The following PTGR3 variants were observed in gnomAD, a reference collection of about 807,000 sequenced individuals.
The protein encoded by PTGR3 is zinc binding alcohol dehydrogenase domain containing 2.
chr18:75,201,694 C>T, the PTGR3 span: 1 of 1,614,180 alleles, frequency 6.2e-7, no homozygotes, highest in Non-Finnish European at 8.5e-7. Flanking sequence ...AATGTTCCTG[C>T]TTTCACAGGC....
the PTGR3 span, chr18:75,201,592 G>A: frequency 1.4e-5 from 22 of 1,614,062 alleles, no homozygotes; most frequent in Non-Finnish European, 1.9e-5. Flanking sequence ...CACATCTCGA[G>A]CAAGTGGCTC....
At chr18:75,208,542 T>G in the PTGR3 span, 1 of 1,073,162 alleles carries the variant, frequency 9.3e-7, no homozygotes, top group Non-Finnish European at 1.1e-6. Context: ...CCCGTCGGTT[T>G]TATTTCGGGA....
chr18:75,201,795 A>G, the PTGR3 span: 3 of 1,614,208 alleles, frequency 1.9e-6, no homozygotes, highest in Middle Eastern at 1.6e-4. Flanking sequence ...CAAGTCAAAC[A>G]TGGCTCCCCC....
the PTGR3 span, chr18:75,197,800 T>C: frequency 2.6e-5 from 4 of 152,148 alleles, no homozygotes; most frequent in Admixed American, 2.0e-4. Context: ...CAGAAGAAAA[T>C]TATGAATTCA....
At chr18:75,205,747 GA>G in the PTGR3 span, among the ~76,000 whole-genome samples, 1 of 110,766 alleles carries the variant, frequency 9.0e-6, no homozygotes, top group African/African-American at 3.3e-5. Context: ...AGAAAGAAAA[GA>G]AAAAGAAAGA....
the PTGR3 span, chr18:75,199,205 C>T: frequency 5.2e-5 from 8 of 152,540 alleles, no homozygotes; most frequent in Non-Finnish European, 1.2e-4. Flanking sequence ...TCCCTCAAAA[C>T]ACAATAAATT....
the PTGR3 span, chr18:75,208,419 C>T: frequency 1.0e-6 from 1 of 991,098 alleles, no homozygotes; most frequent in Non-Finnish European, 1.2e-6. Context: ...AGCACGTTTA[C>T]CTAAACGTCG....
the PTGR3 span, chr18:75,205,479 A>T: frequency 2.1e-5 from 21 of 985,542 alleles, no homozygotes; most frequent in Non-Finnish European, 2.5e-5. Flanking sequence ...ACCCCAGGAA[A>T]AAAGAATAGG....
the PTGR3 span, chr18:75,202,263 A>G: frequency 6.2e-7 from 1 of 1,614,020 alleles, no homozygotes. Flanking sequence ...TTCGAAACCT[A>G]TGTCAAAGGG....
chr18:75,205,214 TCG>T, the PTGR3 span: 2 of 985,526 alleles, frequency 2.0e-6, no homozygotes, highest in Non-Finnish European at 2.4e-6. Context: ...GGTCCGCAGC[TCG>T]CGCCTTCCGC....
chr18:75,201,656 G>GA, the PTGR3 span: 1 of 1,614,216 alleles, frequency 6.2e-7, no homozygotes, highest in Admixed American at 1.7e-5. Context: ...CCTGTACGCT[G>GA]GCAGATTTCT....
chr18:75,201,551 G>C, the PTGR3 span: 8 of 1,614,114 alleles, frequency 5.0e-6, no homozygotes, highest in Non-Finnish European at 6.8e-6. Context: ...GATCTCCAAG[G>C]TCCACCTCAC....
chr18:75,199,453 A>G, the PTGR3 span: 21 of 152,244 alleles, frequency 1.4e-4, no homozygotes, highest in Admixed American at 1.4e-3. Context: ...GTTAAATTTA[A>G]TAATATTCTT....
the PTGR3 span, chr18:75,208,735 C>G: frequency 9.3e-7 from 1 of 1,071,414 alleles, no homozygotes; most frequent in Non-Finnish European, 1.2e-6. Context: ...GCTGTGCGCC[C>G]GAGCGCGCGC....
At chr18:75,209,052 G>C in the PTGR3 span, 1 of 1,549,006 alleles carries the variant, frequency 6.5e-7, no homozygotes, top group Non-Finnish European at 8.7e-7. The surrounding 1 kb of genome is among the most constrained non-coding windows in gnomAD (Gnocchi z 4.7). Context: ...GGCACCAGCC[G>C]CAGCATGGCC....
At chr18:75,208,723 A>T in the PTGR3 span, 1 of 986,142 alleles carries the variant, frequency 1.0e-6, no homozygotes, top group Non-Finnish European at 1.3e-6. Flanking sequence ...TCGCAAACTC[A>T]GGCTGTGCGC....
At chr18:75,205,780 A>G in the PTGR3 span, among the ~76,000 whole-genome samples, 3 of 147,092 alleles carry the variant, frequency 2.0e-5, no homozygotes, top group Non-Finnish European at 4.5e-5. Flanking sequence ...AAGGAAAGAC[A>G]AGAAAGAAAG....
At chr18:75,202,420 A>G in the PTGR3 span, 1 of 1,382,862 alleles carries the variant, frequency 7.2e-7, no homozygotes, top group South Asian at 1.4e-5. Context: ...AAATTCCTCT[A>G]GTTCTGGCGA....
the PTGR3 span, chr18:75,201,756 C>T: frequency 2.2e-5 from 36 of 1,614,068 alleles, no homozygotes; most frequent in East Asian, 4.5e-5. Context: ...TACTATCAAG[C>T]GCCCTTTCGT....
Sources: allele counts gnomAD v4.1 joint callset (sites outside exome capture counted in the v4.1 genomes callset), GRCh38; gene constraint gnomAD v4.1.1; non-coding constraint Gnocchi (gnomAD v3.1); transcripts MANE v1.5; gene names NCBI Gene and HGNC (gene_info 2026-07-23, HGNC 2026-07-21).